The following RBFOX1 variants were observed in gnomAD, a reference collection of about 807,000 sequenced individuals.
The protein encoded by RBFOX1 is RNA binding protein fox-1 homolog 1.
In RBFOX1, 8 loss-of-function variants were observed where a neutral mutation model predicts 57.7. That is an observed-to-expected ratio of 0.14 (90% CI 0.08 to 0.25). The LOEUF (loss-of-function observed/expected upper bound fraction) is 0.25. Among genes scored for constraint, RBFOX1 ranks in the 10% least tolerant of loss-of-function variants. RBFOX1 has a pLI of 1.00. For missense variants in RBFOX1, 611 were observed against 548.5 expected, an observed-to-expected ratio of 1.11 and a Z score of -1.14; for synonymous variants, 326 against 222.4, an observed-to-expected ratio of 1.47 and a Z score of -4.15.
chr16:7,477,690 T>C (rs1413649297), intron 4 of RBFOX1, among the ~76,000 whole-genome samples: 6 of 152,202 alleles, frequency 3.9e-5, no homozygotes, highest in Admixed American at 3.3e-4. Flanking sequence ...TTTTAATTCC[T>C]TGGGCCCTGG....
Position 5,304,801 on chromosome 16 carries a change from C to T in RBFOX1, c.219+64696C>T, listed in dbSNP as rs564841553. Among the ~76,000 whole-genome samples the T allele has an allele frequency of 7.9e-5, 12 of 151,682 alleles. No homozygotes were observed. The East Asian group carries it at 1.4e-3, about 17-fold the overall frequency. The stretch of plus-strand genomic sequence containing the variant: ...GGAAGAGGAATTTGAGCTGAGACCT[C>T]GAGGACTGGTAGAAGTTAGCCATAT... On this transcript the variant is annotated intron_variant, in intron 1 of 2. Transcript: ENST00000585867.
intron 3 of RBFOX1, among the ~76,000 whole-genome samples, chr16:6,675,143 A>G (rs2057410367): frequency 6.6e-6 from 1 of 152,024 alleles, no homozygotes; most frequent in South Asian, 2.1e-4. Context: ...TGACCTCGTG[A>G]TCCGCCCACC....
chr16:6,420,975 C>A (rs980141019), intron 2 of RBFOX1, among the ~76,000 whole-genome samples: 2 of 152,276 alleles, frequency 1.3e-5, no homozygotes, highest in Non-Finnish European at 2.9e-5. Context: ...TCCAATGGCC[C>A]CTTGTTGCAG....
At chr16:6,885,822 C>T (rs1023209913) in intron 3 of RBFOX1, among the ~76,000 whole-genome samples, 3 of 152,196 alleles carry the variant, frequency 2.0e-5, no homozygotes, top group African/African-American at 7.2e-5. Flanking sequence ...TGAATCACTG[C>T]ACCCGGCCTT....
upstream of RBFOX1, among the ~76,000 whole-genome samples, chr16:6,018,378 G>C (rs1309233897): frequency 6.6e-6 from 1 of 152,214 alleles, no homozygotes; most frequent in Non-Finnish European, 1.5e-5. Context: ...TCCATGTAAA[G>C]TGCTTAAAAC....
chr16:6,267,569 A>G (rs535088808), intron 1 of RBFOX1, among the ~76,000 whole-genome samples: 1 of 152,310 alleles, frequency 6.6e-6, no homozygotes, highest in East Asian at 1.9e-4. Flanking sequence ...GTCTTATCTG[A>G]CAGATTTCTT....
intron 1 of RBFOX1, among the ~76,000 whole-genome samples, chr16:6,150,596 C>G (rs530944730): frequency 3.3e-5 from 5 of 152,250 alleles, no homozygotes; most frequent in African/African-American, 1.2e-4. Context: ...ATTCCTGTCC[C>G]CCTTTATTTT....
At chr16:6,612,833 C>T (rs1349068786) in intron 2 of RBFOX1, among the ~76,000 whole-genome samples, 2 of 131,074 alleles carry the variant, frequency 1.5e-5, no homozygotes, top group Admixed American at 1.7e-4. Context: ...GCCTGGGAGA[C>T]AGTGAGACTC....
chr16:5,246,505 G>A (rs2151068498), intron 1 of RBFOX1, among the ~76,000 whole-genome samples: 1 of 152,236 alleles, frequency 6.6e-6, no homozygotes, highest in African/African-American at 2.4e-5. Context: ...CCAAGTGTAT[G>A]ATATGTTGTT....
At chr16:6,289,556 G>T (rs906080943) in intron 1 of RBFOX1, among the ~76,000 whole-genome samples, 1 of 152,150 alleles carries the variant, frequency 6.6e-6, no homozygotes, top group Non-Finnish European at 1.5e-5. Flanking sequence ...ATAGCTGGAA[G>T]ACTGTTCTCT....
chr16:6,338,577 C>G (rs1198772094), intron 2 of RBFOX1, among the ~76,000 whole-genome samples: 1 of 152,136 alleles, frequency 6.6e-6, no homozygotes, highest in Non-Finnish European at 1.5e-5. Context: ...AAAACTTGGT[C>G]ACTGGATGAA....
At chr16:5,365,385 C>T (rs907004232) in intron 1 of RBFOX1, among the ~76,000 whole-genome samples, 2 of 152,088 alleles carry the variant, frequency 1.3e-5, no homozygotes, top group Non-Finnish European at 1.5e-5. Flanking sequence ...AAAGTGTTAC[C>T]GGCTAGGCAC....
chr16:6,295,248 C>G (rs1180497512), intron 1 of RBFOX1, among the ~76,000 whole-genome samples: 1 of 152,038 alleles, frequency 6.6e-6, no homozygotes, highest in Non-Finnish European at 1.5e-5. Context: ...CTCAGCCTCC[C>G]AAGTAGCTGG....
chr16:6,866,061 A>G (rs2059858766), intron 3 of RBFOX1, among the ~76,000 whole-genome samples: 1 of 152,170 alleles, frequency 6.6e-6, no homozygotes, highest in Non-Finnish European at 1.5e-5. Context: ...GTAAATCAGG[A>G]TTGAAATAGA....
intron 4 of RBFOX1, among the ~76,000 whole-genome samples, chr16:7,275,684 C>G (rs1020832104): frequency 6.6e-5 from 10 of 152,340 alleles, no homozygotes; most frequent in East Asian, 3.9e-4. Context: ...TGGACACACT[C>G]TCTCCCAGGA....
intron 2 of RBFOX1, among the ~76,000 whole-genome samples, chr16:6,628,225 G>C (rs960181375): frequency 6.6e-6 from 1 of 152,198 alleles, no homozygotes; most frequent in African/African-American, 2.4e-5. Context: ...AGCATCTTAG[G>C]AATGTGTACT....
chr16:7,542,980 T>C (rs538160429), intron 5 of RBFOX1, among the ~76,000 whole-genome samples: 16 of 152,274 alleles, frequency 1.1e-4, no homozygotes, highest in African/African-American at 3.4e-4. Flanking sequence ...TACTGACATT[T>C]GAGGCTGTGT....
chr16:5,247,573 G>A (rs1022598928), intron 1 of RBFOX1, among the ~76,000 whole-genome samples: 37 of 152,142 alleles, frequency 2.4e-4, no homozygotes, highest in Admixed American at 1.9e-3. Context: ...CAGCCCACAG[G>A]CCAGAGACAG....
chr16:6,314,349 A>G (rs969538363), intron 1 of RBFOX1, among the ~76,000 whole-genome samples: 11 of 152,218 alleles, frequency 7.2e-5, no homozygotes, highest in African/African-American at 2.7e-4. Context: ...CAAGTCCACA[A>G]AAAGTTAGAA....
Sources: gnomAD v4.1 joint callset for allele counts (sites outside exome capture counted in the v4.1 genomes callset) on GRCh38, gnomAD v4.1.1 for gene constraint, MANE v1.5 for transcripts, NCBI Gene and HGNC (gene_info 2026-07-23, HGNC 2026-07-21) for gene names.